Variants in NPL observed in about 807,000 individuals in gnomAD.
The protein encoded by NPL is N-acetylneuraminate lyase.
NPL carries 32 observed loss-of-function variants against 41.1 expected under a neutral mutation model. That is an observed-to-expected ratio of 0.78 (90% CI 0.59 to 1.05). The LOEUF is 1.05. NPL is among the 50% of genes least tolerant of loss of function. The pLI is 0.00. For missense variants in NPL, 321 were observed against 378.4 expected, an observed-to-expected ratio of 0.85 and a Z score of 1.26; for synonymous variants, 128 against 134.9, an observed-to-expected ratio of 0.95 and a Z score of 0.35.
Position 182,822,193 on chromosome 1 carries a change from C to T in NPL, c.732C>T (p.Asn244=), listed in dbSNP as rs147188678. ...FEQKDFSLAL[N]YQFCIQRFIN... ...AAAAGGACTTCTCTTTAGCCCTGAACTATCAGGTAAACGTTTTCTTCTCTT... is the reference window on the plus strand; with the variant it reads ...AAAAGGACTTCTCTTTAGCCCTGAATTATCAGGTAAACGTTTTCTTCTCTT... Residue 244 remains asparagine, a synonymous_variant, in exon 11 of 13, where the codon AAC becomes AAT. Coordinates refer to ENST00000367553, the MANE Select transcript of NPL (RefSeq NM_030769.3). 455 of 1,606,210 alleles carry T rather than the reference C, an allele frequency of 2.8e-4. No individual in the cohort carries two copies. The highest frequency in any genetic ancestry group is 3.7e-4 in the Non-Finnish European group (438 of 1,172,700).
intron 3 of NPL, among the ~76,000 whole-genome samples, chr1:182,795,576 A>G (rs1337783413): frequency 6.6e-6 from 1 of 152,242 alleles, no homozygotes; most frequent in African/African-American, 2.4e-5. Flanking sequence ...GTTCTACCTT[A>G]GAGACTCTCC....
At chr1:182,813,804 T>A (rs1194771417) in intron 6 of NPL, among the ~76,000 whole-genome samples, 1 of 152,220 alleles carries the variant, frequency 6.6e-6, no homozygotes, top group Non-Finnish European at 1.5e-5. Flanking sequence ...CTTAGGTGTT[T>A]CCTCTTTCCT....
At chr1:182,812,101 C>G in intron 5 of NPL, 55 bp from the exon 6 acceptor site, 1 of 1,560,622 alleles carries the variant, frequency 6.4e-7, no homozygotes, top group Non-Finnish European at 8.8e-7. Context: ...GATAGTGCAG[C>G]CCTTCTGCAT....
At chr1:182,820,740 G>A (rs529141754) in intron 10 of NPL, among the ~76,000 whole-genome samples, 2 of 152,040 alleles carry the variant, frequency 1.3e-5, no homozygotes, top group Admixed American at 1.3e-4. Flanking sequence ...TCACTATCGC[G>A]ACAACAGCAC....
chr1:182,807,099 A>G (rs1667036677), intron 5 of NPL, among the ~76,000 whole-genome samples: 1 of 152,146 alleles, frequency 6.6e-6, no homozygotes, highest in South Asian at 2.1e-4. Context: ...TGGCCTCCCA[A>G]AGTGTTGGGA....
intron 11 of NPL, among the ~76,000 whole-genome samples, chr1:182,824,898 T>A (rs1667591180): frequency 1.3e-5 from 2 of 152,210 alleles, no homozygotes; most frequent in East Asian, 1.9e-4. Context: ...AATGCTAGGA[T>A]AAGTTGAGGT....
chr1:182,824,938 GAAGT>G (rs1667592099), intron 11 of NPL, among the ~76,000 whole-genome samples: 1 of 152,198 alleles, frequency 6.6e-6, no homozygotes, highest in African/African-American at 2.4e-5. Flanking sequence ...TGTTTTTAGA[GAAGT>G]AAGTGCTACA....
chr1:182,803,547 C>T, intron 3 of NPL, 151 bp from the exon 4 acceptor site: 1 of 663,194 alleles, frequency 1.5e-6, no homozygotes. Flanking sequence ...GAAAAAAACC[C>T]CAGGCATTAT....
rs1246809560 is a variant in NPL, at chr1:182,828,292, T to C, written c.779-432T>C. Among the ~76,000 whole-genome samples the C allele has an allele frequency of 6.6e-6, 1 of 152,226 alleles. No individual in the cohort carries two copies. The highest frequency in any genetic ancestry group is 1.5e-5 in the Non-Finnish European group (1 of 68,040). ...AAGCCACCTTAAGTACTGCATTTCT[T>C]AGGGACTTCCTAAATAAGCTTAAAC... is the stretch of plus-strand genomic sequence containing the variant. On this transcript the variant is annotated intron_variant, in intron 12 of 12. Coordinates refer to ENST00000367553, the MANE Select transcript of NPL (RefSeq NM_030769.3). This position sits in a 1 kb window ranked among gnomAD's most constrained non-coding sequence, Gnocchi z 4.0.
Position 182,828,614 on chromosome 1 carries a change from A to G in NPL, c.779-110A>G, listed in dbSNP as rs1667690672. 2 of 1,387,844 alleles carry G rather than the reference A, an allele frequency of 1.4e-6. No individual in the cohort carries two copies. The highest frequency in any genetic ancestry group is 2.0e-6 in the Non-Finnish European group (2 of 993,136). The allele number at this position is 1,387,844 out of a possible 1,614,324, so 86.0% of individuals were successfully genotyped here. On this transcript the variant is annotated intron_variant, in intron 12 of 12. Transcript: ENST00000367553. This position sits in a 1 kb window ranked among gnomAD's most constrained non-coding sequence, Gnocchi z 4.0. ...AGAAATGTTCCCATCTTTTGTTTTA[A>G]TCTTACCCTGTTGTAGTAGTTGCTG...
chr1:182,796,433 T>C (rs1418223263), intron 3 of NPL, among the ~76,000 whole-genome samples: 1 of 152,128 alleles, frequency 6.6e-6, no homozygotes, highest in Admixed American at 6.5e-5. Context: ...GCACATGGAA[T>C]CTAATACCTG....
Position 182,797,848 on chromosome 1 carries a change from G to C in NPL, c.68+3409G>C, listed in dbSNP as rs1330758949. Among the ~76,000 whole-genome samples the C allele has an allele frequency of 2.0e-5, 3 of 152,148 alleles. No individual in the cohort carries two copies. In the East Asian group the frequency reaches 5.8e-4, roughly 29 times the overall value. ...TGCTTAGCCCTGTTCAATAGATATT[G>C]AATGCCAATAATATACAAGAACTGA... On this transcript the variant is annotated intron_variant, in intron 3 of 12. Coordinates refer to ENST00000367553, the MANE Select transcript of NPL (RefSeq NM_030769.3).
intron 11 of NPL, among the ~76,000 whole-genome samples, chr1:182,823,036 C>T (rs1667532887): frequency 6.6e-6 from 1 of 152,192 alleles, no homozygotes; most frequent in African/African-American, 2.4e-5. Context: ...GCCCAGCTAA[C>T]ATCTGGTTCT....
chr1:182,811,291 T>A (rs1408404634), intron 5 of NPL, among the ~76,000 whole-genome samples: 6 of 152,086 alleles, frequency 3.9e-5, no homozygotes, highest in Admixed American at 1.3e-4. Flanking sequence ...TGCAGTGGTG[T>A]GATCTTGGCT....
At chr1:182,790,245 T>C (rs1400026829) in intron 1 of NPL, among the ~76,000 whole-genome samples, 1 of 152,224 alleles carries the variant, frequency 6.6e-6, no homozygotes, top group African/African-American at 2.4e-5. Context: ...AGAGGTACAT[T>C]CTGCCCTCAC....
At chr1:182,815,900 G>A (rs773482142) in intron 7 of NPL, among the ~76,000 whole-genome samples, 20 of 152,308 alleles carry the variant, frequency 1.3e-4, no homozygotes, top group Admixed American at 9.8e-4. Flanking sequence ...ACTGTGTCCA[G>A]CCCAACATTT....
chr1:182,822,800 TC>T (rs1410018155), intron 11 of NPL, among the ~76,000 whole-genome samples: 1 of 152,234 alleles, frequency 6.6e-6, no homozygotes. Flanking sequence ...CTGTGAATGT[TC>T]CATGGAGGAC....
At chr1:182,823,551 G>A (rs1193920501) in intron 11 of NPL, among the ~76,000 whole-genome samples, 14 of 152,270 alleles carry the variant, frequency 9.2e-5, no homozygotes, top group Admixed American at 9.2e-4. Context: ...ACTAAACATC[G>A]ACAAGACTTT....
chr1:182,825,654 C>G, intron 11 of NPL, 127 bp from the exon 12 acceptor site: 3 of 716,526 alleles, frequency 4.2e-6, no homozygotes, highest in Non-Finnish European at 7.5e-6. Context: ...TTTTTCTCCA[C>G]TCTGACAGAC....
Sources: allele counts gnomAD v4.1 joint callset (sites outside exome capture counted in the v4.1 genomes callset), GRCh38; gene constraint gnomAD v4.1.1; non-coding constraint Gnocchi (gnomAD v3.1); transcripts MANE v1.5; gene names NCBI Gene and HGNC (gene_info 2026-07-23, HGNC 2026-07-21).